Variants in KIF13B observed in about 807,000 individuals in gnomAD.
The protein encoded by KIF13B is kinesin family member 13B.
Under a neutral mutation model 222.0 loss-of-function variants are expected in KIF13B, and 127 were observed. That is an observed-to-expected ratio of 0.57 (90% CI 0.50 to 0.66). KIF13B has a LOEUF of 0.66. Among genes scored for constraint, KIF13B ranks in the 30% least tolerant of loss-of-function variants. The pLI, the probability that KIF13B is intolerant of heterozygous loss-of-function variation, is 0.00. For missense variants in KIF13B, 2,173 were observed against 2,379.0 expected (o/e 0.91, Z 1.80); for synonymous variants, 976 against 919.0 (o/e 1.06, Z -1.12).
chr8:29,213,277 G>A (rs1435621893), intron 2 of KIF13B, among the ~76,000 whole-genome samples: 2 of 152,186 alleles, frequency 1.3e-5, no homozygotes, highest in African/African-American at 4.8e-5. Flanking sequence ...ATAAATGCTT[G>A]TGCTCTTACT....
intron 2 of KIF13B, among the ~76,000 whole-genome samples, chr8:29,239,599 G>C (rs761845216): frequency 1.3e-5 from 2 of 152,158 alleles, no homozygotes; most frequent in Non-Finnish European, 2.9e-5. Context: ...TCACTGTCTG[G>C]ATGGCAGGAT....
At chr8:29,083,587 T>C (rs1314315329) in intron 37 of KIF13B, among the ~76,000 whole-genome samples, 1 of 152,234 alleles carries the variant, frequency 6.6e-6, no homozygotes, top group Admixed American at 6.5e-5. Context: ...TCTCTAAGTA[T>C]GTCCACTATA....
chr8:29,172,154 C>T (rs1812273695), intron 10 of KIF13B, among the ~76,000 whole-genome samples: 1 of 147,874 alleles, frequency 6.8e-6, no homozygotes, highest in Admixed American at 6.9e-5. Flanking sequence ...GATCTCGGCT[C>T]ACTGCAAGCT....
intron 2 of KIF13B, among the ~76,000 whole-genome samples, chr8:29,241,801 G>T (rs1815793352): frequency 6.6e-6 from 1 of 151,560 alleles, no homozygotes; most frequent in Non-Finnish European, 1.5e-5. Context: ...CGGCCCTTGA[G>T]TACACAGCTA....
rs533408026 is a variant in KIF13B, at chr8:29,145,080, C to A, written c.2187+1298G>T. On this transcript the variant is annotated intron_variant, in intron 18 of 39. Transcript: ENST00000524189. ...CTTCAAGGAGAAACTAGGCCCTGAA[C>A]CTTCTCCTTGTGACTGGCCTTCCTC... Among the ~76,000 whole-genome samples the A allele has an allele frequency of 1.1e-4, 16 of 152,318 alleles. No homozygotes were observed. In the East Asian group the frequency reaches 3.1e-3, roughly 29 times the overall value.
chr8:29,099,007 G>T, intron 36 of KIF13B, 126 bp downstream of exon 36: 3 of 786,676 alleles, frequency 3.8e-6, no homozygotes, highest in Non-Finnish European at 4.5e-6. Context: ...GTTAAGAGGA[G>T]AAATGAAACA....
At chr8:29,146,651 T>C (rs992993547) in intron 17 of KIF13B, 111 bp from the exon 18 acceptor site, 115 of 993,500 alleles carry the variant, frequency 1.2e-4, no homozygotes, top group Non-Finnish European at 1.5e-4. Context: ...ATTGAGCTTT[T>C]TCCGTGGTCG....
At chr8:29,146,822 T>C (rs1164401268) in intron 17 of KIF13B, among the ~76,000 whole-genome samples, 2 of 152,196 alleles carry the variant, frequency 1.3e-5, no homozygotes. Flanking sequence ...CTCAAGATTC[T>C]GTCTCAGCAG....
chr8:29,259,527 A>C (rs569423556), intron 1 of KIF13B, among the ~76,000 whole-genome samples: 5 of 152,350 alleles, frequency 3.3e-5, no homozygotes, highest in Non-Finnish European at 5.9e-5. Context: ...AAGCATTAAG[A>C]TCTCATCCTA....
intron 12 of KIF13B, among the ~76,000 whole-genome samples, chr8:29,162,071 G>A (rs527583644): frequency 7.2e-4 from 109 of 152,224 alleles, no homozygotes; most frequent in African/African-American, 2.5e-3. Flanking sequence ...TCTGTACATC[G>A]TAAGGATATG....
rs1807142421 is a variant in KIF13B at position 29,069,325 on chromosome 8, T to C, written c.*1179A>G. On this transcript the variant is annotated 3_prime_UTR_variant, in exon 40 of 40. Transcript: ENST00000524189. The stretch of plus-strand genomic sequence containing the variant: ...ACGGTGGGCCTGGGGGCGTGGCTGC[T>C]GTGAGGGTCTGGAGACTAACCAGCA... The C allele has an allele frequency of 6.6e-6, 1 of 152,204 alleles. No homozygotes were observed. The allele number at this position is 152,204 out of a possible 1,614,324, so 9.4% of individuals were successfully genotyped here. A position where few individuals can be genotyped will look rare whatever the true frequency, so the allele number is the denominator to read the frequency against.
chr8:29,221,790 T>C (rs771336601), intron 2 of KIF13B, among the ~76,000 whole-genome samples: 12 of 152,320 alleles, frequency 7.9e-5, no homozygotes, highest in East Asian at 1.9e-4. Context: ...GCCCAAAATA[T>C]TGTTTTTTAA....
At chr8:29,258,533 G>A (rs756570315) in intron 1 of KIF13B, among the ~76,000 whole-genome samples, 2 of 152,088 alleles carry the variant, frequency 1.3e-5, no homozygotes, top group Non-Finnish European at 2.9e-5. Flanking sequence ...CAATCCACCT[G>A]ACCTTTCCTG....
intron 3 of KIF13B, among the ~76,000 whole-genome samples, chr8:29,195,802 A>C (rs1331435061): frequency 6.6e-6 from 1 of 152,166 alleles, no homozygotes; most frequent in Non-Finnish European, 1.5e-5. Flanking sequence ...GTCTAGAGCC[A>C]ATCTATGGAG....
At chr8:29,131,641 A>T (rs1563727197) in intron 23 of KIF13B, among the ~76,000 whole-genome samples, 1 of 152,224 alleles carries the variant, frequency 6.6e-6, no homozygotes, top group Non-Finnish European at 1.5e-5. Flanking sequence ...TCCAACACTG[A>T]TGCCACTCAG....
chr8:29,199,139 C>T (rs1813572905), intron 2 of KIF13B, among the ~76,000 whole-genome samples: 1 of 149,038 alleles, frequency 6.7e-6, no homozygotes, highest in African/African-American at 2.5e-5. Flanking sequence ...CTTCTGAAAT[C>T]TGGAGAGGTT....
At chr8:29,250,813 A>C (rs1360944282) in intron 1 of KIF13B, among the ~76,000 whole-genome samples, 5 of 152,230 alleles carry the variant, frequency 3.3e-5, no homozygotes, top group Non-Finnish European at 2.9e-5. Flanking sequence ...AAAATGAAAC[A>C]CATTTCGATA....
intron 38 of KIF13B, among the ~76,000 whole-genome samples, chr8:29,073,249 G>C (rs1399076072): frequency 6.6e-6 from 1 of 151,986 alleles, no homozygotes; most frequent in East Asian, 1.9e-4. Context: ...CAGGTGCCAT[G>C]TCAGGGGCTG....
intron 2 of KIF13B, among the ~76,000 whole-genome samples, chr8:29,244,053 G>A (rs543517310): frequency 1.4e-4 from 22 of 152,016 alleles, no homozygotes; most frequent in South Asian, 8.3e-4. Flanking sequence ...TCGCTCTGTC[G>A]CCCAGGCTGG....
Sources: allele counts gnomAD v4.1 joint callset (sites outside exome capture counted in the v4.1 genomes callset), GRCh38; gene constraint gnomAD v4.1.1; transcripts MANE v1.5; gene names NCBI Gene and HGNC (gene_info 2026-07-23, HGNC 2026-07-21).